Variants in MED12L observed in about 807,000 individuals in gnomAD.
MED12L encodes the protein mediator of RNA polymerase II transcription subunit 12-like protein.
In MED12L, 60 loss-of-function variants were observed where a neutral mutation model predicts 281.3. The observed-to-expected ratio is 0.21, with a 90% CI of 0.17 to 0.26. MED12L has a LOEUF of 0.26. Among genes scored for constraint, MED12L ranks in the 10% least tolerant of loss-of-function variants. MED12L has a pLI of 1.00. For synonymous variants in MED12L, 974 were observed against 987.2 expected (o/e 0.99, Z 0.25); for missense variants, 2,146 against 2,680.9 (o/e 0.80, Z 4.41).
intron 16 of MED12L, among the ~76,000 whole-genome samples, chr3:151,344,077 C>T (rs1752241125): frequency 6.6e-6 from 1 of 152,032 alleles, no homozygotes; most frequent in Non-Finnish European, 1.5e-5. Context: ...GAGTCTTGGG[C>T]ATTGAAATAT....
chr3:151,347,189 C>A (rs1169532690), intron 16 of MED12L, among the ~76,000 whole-genome samples: 1 of 152,148 alleles, frequency 6.6e-6, no homozygotes, highest in Non-Finnish European at 1.5e-5. Flanking sequence ...ATCTCCCCTT[C>A]ATTTTTCTCA....
chr3:151,260,407 T>G (rs1577156791), intron 16 of MED12L, among the ~76,000 whole-genome samples: 1 of 152,148 alleles, frequency 6.6e-6, no homozygotes, highest in Non-Finnish European at 1.5e-5. Context: ...TGGAGTGAGG[T>G]GGCATGATAG....
chr3:151,208,185 A>AT (rs540605244), intron 16 of MED12L, among the ~76,000 whole-genome samples: 19 of 152,176 alleles, frequency 1.2e-4, no homozygotes, highest in African/African-American at 1.7e-4. Context: ...GGCCATGCCA[A>AT]TTTTTTTATA....
At chr3:151,375,346 T>A (rs985134304) in intron 27 of MED12L, among the ~76,000 whole-genome samples, 5 of 152,168 alleles carry the variant, frequency 3.3e-5, no homozygotes, top group Non-Finnish European at 5.9e-5. Flanking sequence ...TGTTGATGAT[T>A]TCTTACTTTA....
intron 5 of MED12L, among the ~76,000 whole-genome samples, chr3:151,150,969 T>C (rs1718382297): frequency 6.7e-6 from 1 of 150,250 alleles, no homozygotes; most frequent in Non-Finnish European, 1.5e-5. Flanking sequence ...CTGCTGAAAC[T>C]TGCTCCCTAT....
At chr3:151,430,196 G>C in intron 43 of MED12L, 103 bp from the exon 44 acceptor site, 1 of 1,534,502 alleles carries the variant, frequency 6.5e-7, no homozygotes, top group Non-Finnish European at 8.9e-7. Flanking sequence ...TTCGTGAAGT[G>C]TTGAGAAGTA....
At chr3:151,276,712 A>G (rs772301663) in intron 16 of MED12L, among the ~76,000 whole-genome samples, 10 of 152,096 alleles carry the variant, frequency 6.6e-5, no homozygotes, top group Non-Finnish European at 1.3e-4. Context: ...TCTGTTCAGC[A>G]CTTTAGAAGC....
intron 5 of MED12L, among the ~76,000 whole-genome samples, chr3:151,145,083 G>A (rs892356972): frequency 5.3e-5 from 8 of 152,076 alleles, no homozygotes; most frequent in Admixed American, 1.3e-4. Flanking sequence ...TTCTGTATAG[G>A]CTAAGAACAC....
intron 2 of MED12L, among the ~76,000 whole-genome samples, chr3:151,113,789 A>G (rs1712302596): frequency 6.6e-6 from 1 of 152,128 alleles, no homozygotes; most frequent in African/African-American, 2.4e-5. Flanking sequence ...TTGTGCACAC[A>G]CTCAGGAGTG....
intron 11 of MED12L, among the ~76,000 whole-genome samples, chr3:151,169,256 T>G (rs762114874): frequency 6.6e-6 from 1 of 151,904 alleles, no homozygotes; most frequent in Non-Finnish European, 1.5e-5. Flanking sequence ...TAGCTGGAAT[T>G]ACAGGTGCCC....
chr3:151,170,277 CTTTTTTTTTT>C (rs113849929), intron 11 of MED12L, among the ~76,000 whole-genome samples: 1 of 137,770 alleles, frequency 7.3e-6, no homozygotes, highest in Non-Finnish European at 1.6e-5. Context: ...TTTTCTTTTT[CTTTTTTTTTT>C]TTTTTTGAGA....
At position 151,308,803 on chromosome 3, in the gene MED12L, A is replaced by G. The variant is rs180844540; in HGVS notation, c.2251-41256A>G. ...GTGCAAGTATTCTCCAGACCTTTCC[A>G]TTAGAACTGTTGTCAGGTTAGCTAC... is the stretch of plus-strand genomic sequence containing the variant. On this transcript the variant is annotated intron_variant, in intron 16 of 44. Transcript: ENST00000687756. Among the ~76,000 whole-genome samples, 41 of 152,272 alleles carry G rather than the reference A, an allele frequency of 2.7e-4. No homozygotes were observed. In the East Asian group the frequency reaches 5.6e-3, roughly 21 times the overall value.
At chr3:151,198,315 G>A in intron 16 of MED12L, 1 of 820,102 alleles carries the variant, frequency 1.2e-6, no homozygotes, top group South Asian at 2.4e-5. Context: ...CTAGCTAACT[G>A]TATTTTTTCA....
chr3:151,097,696 A>G (rs1248971079), intron 2 of MED12L, among the ~76,000 whole-genome samples: 2 of 152,160 alleles, frequency 1.3e-5, no homozygotes, highest in East Asian at 3.9e-4. Context: ...TTGGGTTGCC[A>G]CAACTGGGTG....
intron 16 of MED12L, chr3:151,294,004 A>G: frequency 3.3e-6 from 2 of 606,178 alleles, no homozygotes; most frequent in Non-Finnish European, 2.9e-6. Flanking sequence ...CCTCTTGTTT[A>G]TCTCTTTGCT....
rs549417558 is a variant in MED12L, at chr3:151,192,567, G to C, written c.1986G>C (p.Ala662=). The C allele has an allele frequency of 6.5e-7, 1 of 1,534,306 alleles. No homozygotes were observed. The highest frequency in any genetic ancestry group is 1.4e-5 in the African/African-American group (1 of 72,980). Residue 662 remains alanine (A), a synonymous_variant, in exon 15 of 45, where the codon GCG becomes GCC. Transcript: ENST00000687756. ...ATTATCAGGAACAGAGTATTATGGC[G>C]CATATGGGCATTGACTCAGGAACCA... is the stretch of plus-strand genomic sequence containing the variant. ...DVKMEEQSIM[A]HMGIDSGTTN...
chr3:151,126,863 T>C (rs1714610764), intron 4 of MED12L, among the ~76,000 whole-genome samples: 1 of 152,186 alleles, frequency 6.6e-6, no homozygotes, highest in Non-Finnish European at 1.5e-5. Context: ...TTGATGTTAA[T>C]AACACAGCTC....
At chr3:151,323,120 T>G (rs1749184296) in intron 16 of MED12L, among the ~76,000 whole-genome samples, 1 of 152,200 alleles carries the variant, frequency 6.6e-6, no homozygotes. Context: ...TAATATATTT[T>G]ACATGTTAAC....
chr3:151,376,860 T>C lies in MED12L; in HGVS notation c.4114T>C (p.Cys1372Arg). ...AGAACTCCAGCTAATGATCAAACAG[T>C]GCTTGAAGGACCCTGTGAGTTTATA... ...WLELQLMIKQ[C>R]LKDPGSGSVA... Residue 1372 changes from cysteine to arginine, a missense_variant, in exon 29 of 45, where the codon TGC becomes CGC. This residue lies in a region of MED12L where 235 missense variants were observed against 260.3 expected (regional missense o/e 0.90). Transcript: ENST00000687756. 1 of 1,614,020 alleles carries C rather than the reference T, an allele frequency of 6.2e-7. No homozygotes were observed. The highest frequency in any genetic ancestry group is 8.5e-7 in the Non-Finnish European group (1 of 1,179,918).
Sources: allele counts gnomAD v4.1 joint callset (sites outside exome capture counted in the v4.1 genomes callset), GRCh38; gene constraint gnomAD v4.1.1; regional missense constraint gnomAD v4.1.1; transcripts MANE v1.5; gene names NCBI Gene and HGNC (gene_info 2026-07-23, HGNC 2026-07-21).